Variants in DNAH5 observed in about 807,000 individuals in gnomAD.
DNAH5 encodes axonemal beta dynein heavy chain 5.
In DNAH5, 372 loss-of-function variants were observed where a neutral mutation model predicts 518.2. That is an observed-to-expected ratio of 0.72 (90% confidence interval 0.66 to 0.78). The LOEUF is 0.78. Among genes scored for constraint, DNAH5 ranks in the 30% least tolerant of loss-of-function variants. The probability of loss-of-function intolerance (pLI) is 0.00; values close to 1 mark genes in which losing one functional copy is unlikely to be tolerated. For synonymous variants in DNAH5, 2,039 were observed against 2,025.9 expected, an observed-to-expected ratio of 1.01 and a Z score of -0.17; for missense variants, 5,523 against 5,687.0, an observed-to-expected ratio of 0.97 and a Z score of 0.93.
chr5:13,725,236 T>C (rs189014320), intron 70 of DNAH5, among the ~76,000 whole-genome samples: 1 of 152,330 alleles, frequency 6.6e-6, no homozygotes, highest in East Asian at 1.9e-4. Context: ...CTTGCAGGAA[T>C]ATGTCAGAGA....
chr5:13,699,116 G>C (rs1398939132), intron 78 of DNAH5, among the ~76,000 whole-genome samples: 1 of 152,126 alleles, frequency 6.6e-6, no homozygotes, highest in African/African-American at 2.4e-5. Context: ...GAATGACCAA[G>C]CAAGCTAATG....
intron 1 of DNAH5, among the ~76,000 whole-genome samples, chr5:13,937,513 G>T (rs774673749): frequency 6.7e-6 from 1 of 149,794 alleles, no homozygotes; most frequent in African/African-American, 2.5e-5. Context: ...CCTCATTTGG[G>T]TAGTCAGTAG....
chr5:13,900,641 A>T, intron 14 of DNAH5: 1 of 559,764 alleles, frequency 1.8e-6, no homozygotes, highest in Non-Finnish European at 3.2e-6. Flanking sequence ...CCTTTCAATG[A>T]CTCTAACACT....
At chr5:13,840,199 G>A (rs1199753089) in intron 34 of DNAH5, among the ~76,000 whole-genome samples, 1 of 152,202 alleles carries the variant, frequency 6.6e-6, no homozygotes, top group Non-Finnish European at 1.5e-5. Context: ...TAGCTTTGAT[G>A]TGCTGCCTTT....
chr5:13,902,967 A>G lies in DNAH5; in HGVS notation c.1645-829T>C, dbSNP rs376909144. ...CTAAAGAAGCTCAAAAAGTTTTTGA[A>G]AACCCATGAGAAAATCATCTTTGAG... On this transcript the variant is annotated intron_variant, in intron 12 of 78. Coordinates refer to ENST00000265104, the MANE Select transcript of DNAH5 (RefSeq NM_001369.3). Among the ~76,000 whole-genome samples the G allele has an allele frequency of 1.2e-4, 19 of 152,244 alleles. No individual in the cohort carries two copies. The East Asian group carries it at 1.5e-3, about 12-fold the overall frequency.
At chr5:13,893,927 A>C (rs1163025180) in intron 16 of DNAH5, among the ~76,000 whole-genome samples, 5 of 151,848 alleles carry the variant, frequency 3.3e-5, no homozygotes, top group African/African-American at 1.2e-4. Flanking sequence ...AAAAAAAAAA[A>C]AAAAACCATT....
At position 13,770,800 on chromosome 5, in the gene DNAH5, T is replaced by C. The variant is rs974357356; in HGVS notation, c.9554A>G (p.Tyr3185Cys). The C allele has an allele frequency of 1.2e-6, 2 of 1,614,080 alleles. No homozygotes were observed. Among genetic ancestry groups the C allele is most frequent in the Non-Finnish European group, 8.5e-7 (1 of 1,179,976 alleles). The change falls in exon 56 of 79, where the codon TAT (tyrosine) becomes TGT (cysteine). Residue 3185 changes from tyrosine to cysteine, a missense_variant. Tyr to Cys is a radical substitution (Grantham distance 194). Transcript: ENST00000265104. ...ATGCTTTTCTCCATATATGAACTTATAGCCCTGAATAAAGGAGAGGTATGA... is the reference window on the plus strand; with the variant it reads ...ATGCTTTTCTCCATATATGAACTTACAGCCCTGAATAAAGGAGAGGTATGA... ...PKSYLSFIQG[Y>C]KFIYGEKHVE...
At chr5:13,947,692 T>G (rs1463826052), upstream of DNAH5, among the ~76,000 whole-genome samples, 2 of 152,202 alleles carry the variant, frequency 1.3e-5, no homozygotes, top group African/African-American at 4.8e-5. Flanking sequence ...CCAAGTTTTA[T>G]CAGTTACTAG....
chr5:13,862,792 GTCCT>G (rs1768652184), intron 28 of DNAH5, 45 bp from the exon 29 acceptor site: 1 of 1,525,136 alleles, frequency 6.6e-7, no homozygotes, highest in African/African-American at 1.4e-5. Context: ...AAAGTCACAC[GTCCT>G]TCCTTAATAG....
intron 1 of DNAH5, among the ~76,000 whole-genome samples, chr5:13,941,364 GA>G (rs577904909): frequency 2.0e-5 from 3 of 151,846 alleles, no homozygotes; most frequent in East Asian, 1.9e-4. Flanking sequence ...TCTAAAAATG[GA>G]AAAAAAATTT....
At position 13,841,223 on chromosome 5, in the gene DNAH5, C is replaced by G. The variant is rs568082792; in HGVS notation, c.5485-93G>C. 58 of 1,015,824 alleles carry G rather than the reference C, an allele frequency of 5.7e-5. No homozygotes were observed. In the South Asian group the frequency reaches 7.5e-4, roughly 13 times the overall value. The allele number at this position is 1,015,824 out of a possible 1,614,324, so 62.9% of individuals were successfully genotyped here. On this transcript the variant is annotated intron_variant, in intron 33 of 78. Coordinates refer to ENST00000265104, the MANE Select transcript of DNAH5 (RefSeq NM_001369.3). ...GTGATCAACAGCTGTGATTGTTACA[C>G]AAGTGTAAAGCCATGATTACATCAA... is the stretch of plus-strand genomic sequence containing the variant.
chr5:13,764,681 AT>A (rs1752266562), intron 59 of DNAH5, among the ~76,000 whole-genome samples: 2 of 152,192 alleles, frequency 1.3e-5, no homozygotes, highest in Admixed American at 6.5e-5. Context: ...AGTCCCAGAA[AT>A]TCCACTCCTG....
intron 38 of DNAH5, 39 bp downstream of exon 38, chr5:13,829,471 A>G (rs753838244): frequency 6.2e-7 from 1 of 1,600,174 alleles, no homozygotes; most frequent in Admixed American, 1.7e-5. Flanking sequence ...TAGAAAAATG[A>G]AACATGCCTA....
At chr5:13,786,120 T>C (rs1269080103) in intron 52 of DNAH5, 59 bp downstream of exon 52, 30 of 1,533,386 alleles carry the variant, frequency 2.0e-5, no homozygotes, top group East Asian at 2.2e-5. Flanking sequence ...GAGAGGACCA[T>C]GGTGTGAAGC....
At chr5:13,791,277 T>C (rs1756946692) in intron 50 of DNAH5, among the ~76,000 whole-genome samples, 1 of 152,178 alleles carries the variant, frequency 6.6e-6, no homozygotes, top group African/African-American at 2.4e-5. Context: ...ATTACTTCTT[T>C]AGCTCTAGAA....
chr5:13,751,315 TC>T, intron 64 of DNAH5, 55 bp from the exon 65 acceptor site: 1 of 1,442,916 alleles, frequency 6.9e-7, no homozygotes. Context: ...CCTTACTGTG[TC>T]TTTTTTGTAT....
chr5:13,756,052 C>G lies in DNAH5; in HGVS notation c.10420-1714G>C, dbSNP rs978213070. On this transcript the variant is annotated intron_variant, in intron 61 of 78. Transcript: ENST00000265104. The stretch of plus-strand genomic sequence containing the variant: ...ACTGGGTTCCCTGAGTAGTACCCCC[C>G]TCCTCAGGCCCACTCTCTCATAGGT... Among the ~76,000 whole-genome samples, 5 of 152,322 alleles carry G rather than the reference C, an allele frequency of 3.3e-5. 1 individual carries two copies. Among genetic ancestry groups the G allele is most frequent in the South Asian group, 4.1e-4 (2 of 4,828 alleles).
At chr5:13,708,566 G>T (rs1198900159) in intron 75 of DNAH5, among the ~76,000 whole-genome samples, 3 of 152,062 alleles carry the variant, frequency 2.0e-5, no homozygotes, top group Non-Finnish European at 4.4e-5. Context: ...AGGCAGCCAT[G>T]AATTCACAGA....
intron 58 of DNAH5, 122 bp downstream of exon 58, chr5:13,768,838 A>T: frequency 8.8e-7 from 1 of 1,134,110 alleles, no homozygotes; most frequent in East Asian, 2.4e-5. Flanking sequence ...ACTTGAAATC[A>T]CTCAAGTGGA....
Sources: allele counts gnomAD v4.1 joint callset (sites outside exome capture counted in the v4.1 genomes callset), GRCh38; gene constraint gnomAD v4.1.1; transcripts MANE v1.5; gene names NCBI Gene and HGNC (gene_info 2026-07-23, HGNC 2026-07-21).